EBF4: variants seen among roughly 807,000 people sequenced by gnomAD.
EBF4 encodes transcription factor COE4.
Under a neutral mutation model 67.1 loss-of-function variants are expected in EBF4, and 34 were observed. The observed-to-expected ratio is 0.51, with a 90% CI of 0.39 to 0.67. The LOEUF (loss-of-function observed/expected upper bound fraction) is 0.67, where lower values mean the gene tolerates loss of function less well. Among genes scored for constraint, EBF4 ranks in the 30% least tolerant of loss-of-function variants. The probability of loss-of-function intolerance (pLI) is 0.00; values close to 1 mark genes in which losing one functional copy is unlikely to be tolerated. For synonymous variants in EBF4, 387 were observed against 377.7 expected (o/e 1.02, Z -0.29); for missense variants, 837 against 873.3 (o/e 0.96, Z 0.52).
chr20:2,693,359 C>G (rs1039921967), upstream of EBF4, among the ~76,000 whole-genome samples: 1 of 150,910 alleles, frequency 6.6e-6, no homozygotes, highest in Non-Finnish European at 1.5e-5. The surrounding 1 kb of genome is among the most constrained non-coding windows in gnomAD (Gnocchi z 4.6). Context: ...GGCTCCGCTC[C>G]CCGCCCTCCC....
Position 2,750,498 on chromosome 20 carries a change from ACCCCCCAGCCTGGC to A in EBF4, c.1018+526_1018+539del, listed in dbSNP as rs1600243089. On this transcript the variant is annotated intron_variant, in intron 10 of 16. Transcript: ENST00000609451. ...AACACACGTGGAGAGGCAGTGTAGA[ACCCCCCAGCCTGGC>A]TCTATTTGGCCGCTGGCCGAGTCTT... is the stretch of plus-strand genomic sequence containing the variant. Among the ~76,000 whole-genome samples, 6 of 150,476 alleles carry A rather than the reference ACCCCCCAGCCTGGC, an allele frequency of 4.0e-5. No homozygotes were observed. The East Asian group carries it at 1.2e-3, about 30-fold the overall frequency.
Position 2,755,603 on chromosome 20 carries a change from G to GCC in EBF4, c.1541-21_1541-20dup. ...TCCCACCACCTTCCCTGCTGCGCCTGCCCCTCCCCGCCCCGCCCCGGAGTC... is the reference window on the plus strand; with the variant it reads ...TCCCACCACCTTCCCTGCTGCGCCTGCCCCCCTCCCCGCCCCGCCCCGGAGTC... On this transcript the variant is annotated intron_variant, in intron 14 of 16. Transcript: ENST00000609451. The surrounding 1 kb of genome is among the most constrained non-coding windows in gnomAD (Gnocchi z 4.7). 31 of 1,077,718 alleles carry GCC rather than the reference G, an allele frequency of 2.9e-5. No individual in the cohort carries two copies. Among genetic ancestry groups the GCC allele is most frequent in the Admixed American group, 4.1e-5 (2 of 49,286 alleles). The allele number at this position is 1,077,718 out of a possible 1,614,324, so 66.8% of individuals were successfully genotyped here. A position where few individuals can be genotyped will look rare whatever the true frequency, so the allele number is the denominator to read the frequency against.
chr20:2,705,804 CA>C, intron 2 of EBF4, 71 bp downstream of exon 2: 1 of 1,273,812 alleles, frequency 7.9e-7, no homozygotes, highest in Admixed American at 2.4e-5. Context: ...CACACACACA[CA>C]CACACACACA....
intron 1 of EBF4, among the ~76,000 whole-genome samples, chr20:2,704,721 GC>G (rs2087426713): frequency 1.3e-5 from 2 of 152,202 alleles, no homozygotes; most frequent in African/African-American, 4.8e-5. Context: ...GGGGGCACCT[GC>G]CCCTTTGTCT....
intron 6 of EBF4, among the ~76,000 whole-genome samples, chr20:2,744,487 C>CTTTTTTTTTTTTTTTTTTTTTTTTT (rs778840182): frequency 9.0e-6 from 1 of 111,494 alleles, no homozygotes. Context: ...TTCTTTTTTT[C>CTTTTTTTTTTTTTTTTTTTTTTTTT]TTTTCTTTTT....
chr20:2,698,574 G>A lies in EBF4; in HGVS notation c.137+4792G>A, dbSNP rs573980975. Among the ~76,000 whole-genome samples the A allele has an allele frequency of 2.6e-3, 402 of 152,286 alleles. 3 individuals are homozygous for A. Among genetic ancestry groups the A allele is most frequent in the African/African-American group, 9.1e-3 (379 of 41,548 alleles). On this transcript the variant is annotated intron_variant, in intron 1 of 16. Coordinates refer to ENST00000609451, the Ensembl canonical transcript of EBF4. The stretch of plus-strand genomic sequence containing the variant: ...TGGGATGCTTGGAGGAAGGGGGGAT[G>A]TAGAGGAAAGGGACTGGTGGAGCCC...
intron 5 of EBF4, among the ~76,000 whole-genome samples, chr20:2,708,315 G>A (rs2087488802): frequency 1.3e-5 from 2 of 152,236 alleles, no homozygotes; most frequent in East Asian, 1.9e-4. Context: ...CTCAGGGGAG[G>A]GCTGCTGGGG....
At chr20:2,722,203 C>A (rs537672547) in intron 6 of EBF4, among the ~76,000 whole-genome samples, 39 of 152,140 alleles carry the variant, frequency 2.6e-4, no homozygotes, top group African/African-American at 8.7e-4. Flanking sequence ...CCTCATTGAG[C>A]CTTGCTTTTA....
intron 6 of EBF4, 147 bp downstream of exon 6, chr20:2,709,789 C>A: frequency 1.3e-6 from 1 of 799,714 alleles, no homozygotes; most frequent in Non-Finnish European, 1.7e-6. Context: ...GAGAGGGAAA[C>A]TGCCAGGCAC....
upstream of EBF4, chr20:2,693,159 C>G (rs1159347807): frequency 6.4e-6 from 1 of 157,210 alleles, no homozygotes; most frequent in Non-Finnish European, 1.4e-5. The surrounding 1 kb of genome is among the most constrained non-coding windows in gnomAD (Gnocchi z 4.6). Context: ...GTAATCAGCG[C>G]CCCGCGCTGG....
In EBF4 at chr20:2,751,687, C is replaced by A. The variant is rs1417861149; in HGVS notation, c.1019-13C>A. 2.6e-6 allele frequency: 4 copies of A among 1,550,604 alleles called. No individual in the cohort carries two copies. The South Asian group carries it at 4.8e-5, about 18-fold the overall frequency. On this transcript the variant is annotated splice_polypyrimidine_tract_variant and intron_variant, in intron 10 of 16. Coordinates refer to ENST00000609451, the Ensembl canonical transcript of EBF4. The surrounding 1 kb of genome is among the most constrained non-coding windows in gnomAD (Gnocchi z 5.2). Reference sequence around the variant, plus strand: ...CGGGGGAGACGTCCTCCAAACGCCGCCCCCTTCCCCAGCTCTGAACGAGCC... The same window carrying A: ...CGGGGGAGACGTCCTCCAAACGCCGACCCCTTCCCCAGCTCTGAACGAGCC...
Position 2,704,837 on chromosome 20 carries a change from A to G in EBF4, c.138-740A>G, listed in dbSNP as rs113798209. ...GGTGTATCACTGGGATGCAGGGGAT[A>G]TTTGGGGAAGAGGGAATGCCTTCCT... On this transcript the variant is annotated intron_variant, in intron 1 of 16. Coordinates refer to ENST00000609451, the Ensembl canonical transcript of EBF4. 7.8e-3 allele frequency among the ~76,000 whole-genome samples: 1,194 copies of G among 152,262 alleles called. 12 individuals are homozygous for G. Among genetic ancestry groups the G allele is most frequent in the African/African-American group, 0.026 (1,068 of 41,554 alleles).
intron 1 of EBF4, among the ~76,000 whole-genome samples, chr20:2,698,517 A>G (rs8118817): frequency 0.16 from 24,165 of 152,138 alleles, 2,172 homozygotes; most frequent in East Asian, 0.32. Context: ...CCCGGGGTCC[A>G]GAGGGTGCCT....
chr20:2,734,450 C>A (rs1373266925), intron 6 of EBF4, among the ~76,000 whole-genome samples: 1 of 152,206 alleles, frequency 6.6e-6, no homozygotes, highest in Non-Finnish European at 1.5e-5. Flanking sequence ...AAAATTCTAA[C>A]CTCTGGGCTT....
At chr20:2,742,875 C>T (rs985223325) in intron 6 of EBF4, among the ~76,000 whole-genome samples, 9 of 152,228 alleles carry the variant, frequency 5.9e-5, no homozygotes, top group Non-Finnish European at 1.3e-4. Context: ...ACAAAGTGCA[C>T]ATCCCTTCCT....
At chr20:2,752,387 C>G in exon 14 of EBF4, 4 of 1,253,548 alleles carry the variant, frequency 3.2e-6, no homozygotes, top group Non-Finnish European at 4.0e-6. Flanking sequence ...AGCGCGTCCC[C>G]CCGCGGGTTC....
rs146365789 is a variant in EBF4 at position 2,706,297 on chromosome 20, T to A, written c.414+33T>A. On this transcript the variant is annotated intron_variant, in intron 4 of 16. Transcript: ENST00000609451. ...AGCGCAGAGGGTGCTGAGGCCCATC[T>A]CACTCTCTTCCCGGACCCTGCCTCC... The A allele has an allele frequency of 5.9e-5, 92 of 1,551,378 alleles. 1 individual carries two copies. Among genetic ancestry groups the A allele is most frequent in the Non-Finnish European group, 7.7e-5 (88 of 1,146,794 alleles).
chr20:2,724,381 G>T (rs1418499032), intron 6 of EBF4, among the ~76,000 whole-genome samples: 1 of 151,888 alleles, frequency 6.6e-6, no homozygotes, highest in African/African-American at 2.4e-5. Context: ...TAAATTTTCT[G>T]CTCACCTTTT....
At chr20:2,697,942 C>T (rs2087320024) in intron 1 of EBF4, among the ~76,000 whole-genome samples, 1 of 152,228 alleles carries the variant, frequency 6.6e-6, no homozygotes, top group African/African-American at 2.4e-5. Flanking sequence ...CCAGCTGGGG[C>T]TGCCTTTCCT....
Sources: gnomAD v4.1 joint callset for allele counts (sites outside exome capture counted in the v4.1 genomes callset) on GRCh38, gnomAD v4.1.1 for gene constraint, Gnocchi (gnomAD v3.1) non-coding constraint, MANE v1.5 for transcripts, NCBI Gene and HGNC (gene_info 2026-07-23, HGNC 2026-07-21) for gene names.